Variants in KLHL8 observed in about 807,000 individuals in gnomAD.
KLHL8 encodes the protein kelch-like protein 8.
A neutral mutation model predicts 63.5 loss-of-function variants in KLHL8; 38 were observed. That is an observed-to-expected ratio of 0.60 (90% CI 0.46 to 0.78). KLHL8 has a LOEUF of 0.78. KLHL8 is among the 30% of genes least tolerant of loss of function. The probability of loss-of-function intolerance (pLI) is 0.00; values close to 1 mark genes in which losing one functional copy is unlikely to be tolerated. For missense variants in KLHL8, 566 were observed against 752.4 expected (o/e 0.75, Z 2.90); for synonymous variants, 224 against 254.3 (o/e 0.88, Z 1.13).
intron 2 of KLHL8, among the ~76,000 whole-genome samples, chr4:87,186,897 T>C (rs1026923501): frequency 2.0e-5 from 3 of 152,134 alleles, no homozygotes; most frequent in African/African-American, 7.2e-5. Flanking sequence ...TTTAGTAGTA[T>C]TTACTATGAG....
intron 5 of KLHL8, 21 bp downstream of exon 5, chr4:87,178,456 T>G: frequency 6.3e-7 from 1 of 1,580,770 alleles, no homozygotes; most frequent in Non-Finnish European, 8.5e-7. Context: ...CATATGATAT[T>G]TCAGACAAGA....
At chr4:87,211,549 T>G (rs966727939) in intron 1 of KLHL8, among the ~76,000 whole-genome samples, 5 of 152,170 alleles carry the variant, frequency 3.3e-5, no homozygotes, top group Non-Finnish European at 5.9e-5. Flanking sequence ...CCCAGCACTT[T>G]GGGAGGCCAA....
chr4:87,229,419 C>CTTT (rs1299829511), intron 1 of KLHL8, among the ~76,000 whole-genome samples: 37 of 120,536 alleles, frequency 3.1e-4, no homozygotes, highest in Non-Finnish European at 4.9e-4. Context: ...TATCTTTTTC[C>CTTT]TTTTTTTTTT....
At chr4:87,234,786 C>CA (rs1733199270) in intron 1 of KLHL8, among the ~76,000 whole-genome samples, 1 of 152,170 alleles carries the variant, frequency 6.6e-6, no homozygotes, top group Non-Finnish European at 1.5e-5. Flanking sequence ...ATAGAGATGA[C>CA]AACTCCATGT....
chr4:87,235,804 G>A (rs1239888520), intron 1 of KLHL8, among the ~76,000 whole-genome samples: 1 of 151,988 alleles, frequency 6.6e-6, no homozygotes, highest in Non-Finnish European at 1.5e-5. Flanking sequence ...GGGTAAACAG[G>A]ACCTTTCAAT....
At chr4:87,226,949 A>ATT in intron 1 of KLHL8, among the ~76,000 whole-genome samples, 1 of 35,942 alleles carries the variant, frequency 2.8e-5, no homozygotes, top group Non-Finnish European at 5.5e-5. Context: ...AATATATATT[A>ATT]TATATAAGTA....
chr4:87,201,122 G>A (rs1012246058), intron 1 of KLHL8, among the ~76,000 whole-genome samples: 1 of 152,174 alleles, frequency 6.6e-6, no homozygotes, highest in Non-Finnish European at 1.5e-5. Context: ...TGGTTGCCAA[G>A]AGAGGTGGAA....
At chr4:87,225,416 T>C (rs1732955193), upstream of KLHL8, among the ~76,000 whole-genome samples, 1 of 152,200 alleles carries the variant, frequency 6.6e-6, no homozygotes, top group African/African-American at 2.4e-5. Flanking sequence ...TAATAAATAC[T>C]TGGACTATAA....
chr4:87,229,091 G>A (rs564104780), intron 1 of KLHL8, among the ~76,000 whole-genome samples: 1 of 152,324 alleles, frequency 6.6e-6, no homozygotes, highest in Non-Finnish European at 1.5e-5. Flanking sequence ...TTCCTCACAG[G>A]TGAAACTAGA....
intron 1 of KLHL8, among the ~76,000 whole-genome samples, chr4:87,227,743 A>G (rs6531964): frequency 0.11 from 16,972 of 152,186 alleles, 1,710 homozygotes; most frequent in African/African-American, 0.26. Flanking sequence ...CCATTAAACC[A>G]TCATTTTAGT....
Position 87,160,120 on chromosome 4 carries a change from A to G in KLHL8, c.*3399T>C, listed in dbSNP as rs920033491. ...GAGAGAAGTTTGTGCTAATAGAAAT[A>G]TGCAATGTATTTTAATTAAATAAAT... On this transcript the variant is annotated 3_prime_UTR_variant, in exon 10 of 10. Transcript: ENST00000273963. The G allele has an allele frequency of 2.6e-5, 4 of 152,182 alleles. No homozygotes were observed. Among genetic ancestry groups the G allele is most frequent in the Non-Finnish European group, 4.4e-5 (3 of 68,006 alleles). 9.4% of individuals were successfully genotyped at this position (152,182 alleles called of 1,614,324 possible).
At chr4:87,178,186 T>A (rs1730904600) in intron 5 of KLHL8, among the ~76,000 whole-genome samples, 1 of 152,172 alleles carries the variant, frequency 6.6e-6, no homozygotes. Flanking sequence ...AAAAAGCTGA[T>A]ATGTAATTAT....
intron 1 of KLHL8, among the ~76,000 whole-genome samples, chr4:87,226,939 A>AATATATAATATATAAATAAT (rs1733028643): frequency 2.1e-5 from 1 of 46,954 alleles, no homozygotes. Flanking sequence ...ATATATAAAT[A>AATATATAATATATAAATAAT]ATATATATTA....
chr4:87,233,892 TA>T (rs1213488011), intron 1 of KLHL8, among the ~76,000 whole-genome samples: 4 of 152,212 alleles, frequency 2.6e-5, no homozygotes, highest in Non-Finnish European at 4.4e-5. Context: ...AATTTCAGGC[TA>T]AATGTATCTT....
At chr4:87,179,067 C>T (rs1730946672) in intron 4 of KLHL8, among the ~76,000 whole-genome samples, 1 of 152,168 alleles carries the variant, frequency 6.6e-6, no homozygotes. Flanking sequence ...CCATTTCTCA[C>T]ATATTTTTTG....
chr4:87,198,623 A>G (rs1252701764), intron 1 of KLHL8, among the ~76,000 whole-genome samples: 3 of 152,316 alleles, frequency 2.0e-5, no homozygotes, highest in Non-Finnish European at 4.4e-5. Flanking sequence ...GGTGGAGAAC[A>G]GATTATTGTT....
At chr4:87,204,214 C>T (rs1316511293) in intron 1 of KLHL8, among the ~76,000 whole-genome samples, 2 of 152,072 alleles carry the variant, frequency 1.3e-5, no homozygotes, top group Non-Finnish European at 2.9e-5. Context: ...GCAACATAGC[C>T]CCTGCCACAT....
chr4:87,196,698 T>C (rs1731712216), intron 1 of KLHL8, among the ~76,000 whole-genome samples: 1 of 152,208 alleles, frequency 6.6e-6, no homozygotes, highest in Non-Finnish European at 1.5e-5. Context: ...ACACCATCCA[T>C]AATTCTATGC....
intron 4 of KLHL8, among the ~76,000 whole-genome samples, chr4:87,180,473 CT>C (rs763628079): frequency 7.9e-5 from 12 of 152,274 alleles, no homozygotes; most frequent in Non-Finnish European, 1.5e-4. Context: ...CTACTGTTTT[CT>C]TTGTAAGTCC....
Sources: gnomAD v4.1 joint callset for allele counts (sites outside exome capture counted in the v4.1 genomes callset) on GRCh38, gnomAD v4.1.1 for gene constraint, MANE v1.5 for transcripts, NCBI Gene and HGNC (gene_info 2026-07-23, HGNC 2026-07-21) for gene names.